Variants in CLASP2 observed in about 807,000 individuals in gnomAD.
CLASP2 encodes cytoplasmic linker associated protein 2, also known as CLIP-associating protein 2.
CLASP2 carries 47 observed loss-of-function variants against 194.4 expected under a neutral mutation model. The observed-to-expected ratio is 0.24, with a 90% CI of 0.19 to 0.31. CLASP2 has a LOEUF of 0.31. Ranked by LOEUF, CLASP2 falls within the 10% of genes least tolerant of loss-of-function variation. The probability of loss-of-function intolerance (pLI) is 1.00; values close to 1 mark genes in which losing one functional copy is unlikely to be tolerated. For synonymous variants in CLASP2, 619 were observed against 633.5 expected (o/e 0.98, Z 0.34); for missense variants, 1,445 against 1,823.6 (o/e 0.79, Z 3.78).
At chr3:33,708,541 T>C (rs2092833818) in intron 1 of CLASP2, among the ~76,000 whole-genome samples, 1 of 6,658 alleles carries the variant, frequency 1.5e-4, no homozygotes, top group Admixed American at 2.5e-3. Context: ...TATATGTATA[T>C]ATGTATATAT....
chr3:33,666,627 G>A (rs1190370078), intron 6 of CLASP2, among the ~76,000 whole-genome samples: 1 of 152,052 alleles, frequency 6.6e-6, no homozygotes, highest in Non-Finnish European at 1.5e-5. Flanking sequence ...GTAGATGTGG[G>A]GTGTCTCTAT....
At chr3:33,609,725 G>A (rs1026780588) in intron 13 of CLASP2, among the ~76,000 whole-genome samples, 2 of 152,126 alleles carry the variant, frequency 1.3e-5, no homozygotes, top group African/African-American at 2.4e-5. Context: ...ATCTAGTCCT[G>A]TATCTCCAGC....
At chr3:33,710,509 G>A in intron 1 of CLASP2, among the ~76,000 whole-genome samples, 1 of 152,160 alleles carries the variant, frequency 6.6e-6, no homozygotes, top group East Asian at 1.9e-4. Flanking sequence ...GGAATTGGAG[G>A]ATGCAGTGAG....
intron 37 of CLASP2, chr3:33,503,985 A>C (rs995973619): frequency 5.9e-5 from 9 of 152,206 alleles, no homozygotes; most frequent in African/African-American, 2.2e-4. Context: ...TCTTTGAAGA[A>C]ATAGCTATTC....
At chr3:33,641,994 TAA>T (rs1249301213) in intron 8 of CLASP2, among the ~76,000 whole-genome samples, 1 of 151,906 alleles carries the variant, frequency 6.6e-6, no homozygotes, top group African/African-American at 2.4e-5. Flanking sequence ...AGAATAGTCA[TAA>T]AGAGAAATAG....
At chr3:33,594,143 C>T (rs1047033159) in intron 20 of CLASP2, among the ~76,000 whole-genome samples, 1 of 152,090 alleles carries the variant, frequency 6.6e-6, no homozygotes, top group African/African-American at 2.4e-5. Flanking sequence ...TATGCCTGGA[C>T]AGAAATCATG....
intron 6 of CLASP2, among the ~76,000 whole-genome samples, chr3:33,676,779 G>A (rs1416714943): frequency 6.6e-6 from 1 of 152,036 alleles, no homozygotes; most frequent in East Asian, 1.9e-4. Context: ...CTACAAAATG[G>A]GAGAAAATTT....
intron 22 of CLASP2, among the ~76,000 whole-genome samples, chr3:33,583,075 A>G (rs1314277123): frequency 6.6e-6 from 1 of 152,222 alleles, no homozygotes; most frequent in African/African-American, 2.4e-5. Flanking sequence ...GAAGAGAAAG[A>G]GGATCCAGGA....
intron 8 of CLASP2, among the ~76,000 whole-genome samples, chr3:33,635,119 G>C (rs1396429364): frequency 6.6e-6 from 1 of 151,728 alleles, no homozygotes; most frequent in Non-Finnish European, 1.5e-5. Flanking sequence ...ACCCAGCCAG[G>C]AGTGGTGGTG....
chr3:33,654,230 T>C (rs960987016), intron 7 of CLASP2, among the ~76,000 whole-genome samples: 1 of 152,216 alleles, frequency 6.6e-6, no homozygotes, highest in African/African-American at 2.4e-5. Flanking sequence ...GGAATCGTTT[T>C]ATCAAACTCT....
rs572837521 is a variant in CLASP2 at position 33,581,907 on chromosome 3, C to A, written c.2261G>T (p.Arg754Leu). Residue 754 changes from arginine (R) to leucine (L), a missense_variant, in exon 23 of 39, where the codon CGA becomes CTA. By Grantham distance (102) the Arg-to-Leu change is moderately radical (BLOSUM62 -2). Transcript: ENST00000682230. ...GCTGCATCCTTGACTCACACTTGGT[C>A]GAGGAATACGACTGCTTCGGGCTGG... ...LSVARSSRIP[R>L]PSVSQGCSRE... 1 of 1,613,312 alleles carries A rather than the reference C, an allele frequency of 6.2e-7. No homozygotes were observed. The highest frequency in any genetic ancestry group is 8.5e-7 in the Non-Finnish European group (1 of 1,179,592).
intron 25 of CLASP2, 100 bp from the exon 26 acceptor site, chr3:33,570,890 GT>G: frequency 1.1e-6 from 1 of 940,460 alleles, no homozygotes; most frequent in Non-Finnish European, 1.5e-6. Flanking sequence ...AAAAAAAAAG[GT>G]TAGGTTGGGC....
chr3:33,675,761 A>G (rs1407781169), intron 6 of CLASP2, among the ~76,000 whole-genome samples: 2 of 142,414 alleles, frequency 1.4e-5, no homozygotes, highest in Non-Finnish European at 3.1e-5. Context: ...AAATCAATGT[A>G]CAAAAATCAC....
chr3:33,718,215 C>T lies in CLASP2; in HGVS notation c.-213G>A, dbSNP rs2093382677. 1 of 293,456 alleles carries T rather than the reference C, an allele frequency of 3.4e-6. No individual in the cohort carries two copies. Among genetic ancestry groups the T allele is most frequent in the East Asian group, 6.6e-5 (1 of 15,072 alleles). 18.2% of individuals were successfully genotyped at this position (293,456 alleles called of 1,614,324 possible). ...TCGGCGCCCCCCGATCCCCAGCCCG[C>T]TTCAGAGGCCGCGGCCGCGGGCGAC... On this transcript the variant is annotated 5_prime_UTR_variant, in exon 1 of 39. Transcript: ENST00000682230.
At chr3:33,674,154 A>C (rs1219082421) in intron 6 of CLASP2, among the ~76,000 whole-genome samples, 6 of 152,076 alleles carry the variant, frequency 3.9e-5, no homozygotes, top group African/African-American at 1.4e-4. Flanking sequence ...TTTTCAGCAC[A>C]ACACAACACC....
At chr3:33,645,018 A>C in intron 7 of CLASP2, 115 bp from the exon 8 acceptor site, 1 of 1,094,428 alleles carries the variant, frequency 9.1e-7, no homozygotes, top group Non-Finnish European at 1.3e-6. Flanking sequence ...TAAGATATAT[A>C]ATACGAAATA....
At chr3:33,709,941 G>T (rs1428905072) in intron 1 of CLASP2, among the ~76,000 whole-genome samples, 1 of 152,146 alleles carries the variant, frequency 6.6e-6, no homozygotes, top group East Asian at 1.9e-4. Flanking sequence ...TGAAGTTGAG[G>T]TTACATTAAT....
intron 32 of CLASP2, among the ~76,000 whole-genome samples, chr3:33,540,232 A>T (rs796720224): frequency 8.2e-4 from 100 of 122,096 alleles, no homozygotes; most frequent in African/African-American, 2.6e-3. Context: ...GACTGGCCAA[A>T]TTTTTTTTTT....
At chr3:33,499,005 T>C (rs755693064) in intron 38 of CLASP2, among the ~76,000 whole-genome samples, 9 of 152,260 alleles carry the variant, frequency 5.9e-5, no homozygotes, top group Admixed American at 1.3e-4. Context: ...GGATCACATA[T>C]AAAACTTTTG....
Sources: allele counts gnomAD v4.1 joint callset (sites outside exome capture counted in the v4.1 genomes callset), GRCh38; gene constraint gnomAD v4.1.1; transcripts MANE v1.5; gene names NCBI Gene and HGNC (gene_info 2026-07-23, HGNC 2026-07-21).